The following VPS13B variants were observed in gnomAD, a reference collection of about 807,000 sequenced individuals.
The protein encoded by VPS13B is vacuolar protein sorting 13 homolog B, also known as intermembrane lipid transfer protein VPS13B.
In VPS13B, 285 loss-of-function variants were observed where a neutral mutation model predicts 426.4. The ratio of observed to expected loss-of-function variants is 0.67; its 90% CI spans 0.61 to 0.74. VPS13B has a LOEUF of 0.74. VPS13B is among the 30% of genes least tolerant of loss of function. The pLI, the probability that VPS13B is intolerant of heterozygous loss-of-function variation, is 0.00. For missense variants in VPS13B, 4,537 were observed against 4,782.6 expected, an observed-to-expected ratio of 0.95 and a Z score of 1.51; for synonymous variants, 1,676 against 1,676.4, an observed-to-expected ratio of 1.00 and a Z score of 0.01.
intron 17 of VPS13B, among the ~76,000 whole-genome samples, chr8:99,198,498 G>A (rs1814082053): frequency 6.6e-6 from 1 of 151,852 alleles, no homozygotes; most frequent in African/African-American, 2.4e-5. Flanking sequence ...TTTATAAAAT[G>A]GACTGTGCTA....
rs181239664 is a variant in VPS13B at position 99,588,715 on chromosome 8, T to A, written c.5220+11082T>A. On this transcript the variant is annotated intron_variant, in intron 33 of 61. Transcript: ENST00000357162. The stretch of plus-strand genomic sequence containing the variant: ...TTATCAGCTTAAGGAGATTTTGGGC[T>A]GAGACGATGGGGTTTTCTAAATATA... 3.2e-3 allele frequency among the ~76,000 whole-genome samples: 485 copies of A among 151,886 alleles called. 15 individuals carry two copies. Among genetic ancestry groups the A allele is most frequent in the African/African-American group, 0.011 (439 of 41,168 alleles).
At chr8:99,527,508 T>C (rs1173804313) in intron 30 of VPS13B, among the ~76,000 whole-genome samples, 3 of 152,090 alleles carry the variant, frequency 2.0e-5, no homozygotes, top group Non-Finnish European at 4.4e-5. Flanking sequence ...TCTGTTTCCT[T>C]TAAACTCAAT....
chr8:99,128,690 A>G (rs1809581901), intron 8 of VPS13B, among the ~76,000 whole-genome samples: 4 of 152,212 alleles, frequency 2.6e-5, no homozygotes, highest in Admixed American at 2.6e-4. Flanking sequence ...AAATAGTGGT[A>G]TAGGTATTAT....
At chr8:99,341,283 ACTGTTTCCTT>A (rs1263165432) in intron 19 of VPS13B, 1 of 168,006 alleles carries the variant, frequency 6.0e-6, no homozygotes, top group Non-Finnish European at 1.3e-5. Flanking sequence ...AGTCTCATTA[ACTGTTTCCTT>A]CTGTTAATGT....
At chr8:99,267,673 G>A (rs1239974958) in intron 17 of VPS13B, among the ~76,000 whole-genome samples, 1 of 151,742 alleles carries the variant, frequency 6.6e-6, no homozygotes. Flanking sequence ...GTTGCAGTGA[G>A]CTGAGATCTT....
chr8:99,754,455 A>C (rs959230910), intron 39 of VPS13B, among the ~76,000 whole-genome samples: 2 of 152,198 alleles, frequency 1.3e-5, no homozygotes, highest in Non-Finnish European at 2.9e-5. Context: ...GCCCTAACAC[A>C]TTCATAAAGA....
At chr8:99,270,722 A>G (rs920039189) in intron 17 of VPS13B, among the ~76,000 whole-genome samples, 1 of 152,166 alleles carries the variant, frequency 6.6e-6, no homozygotes, top group Non-Finnish European at 1.5e-5. Flanking sequence ...GCTGACTACT[A>G]TATAGGTTTC....
intron 33 of VPS13B, among the ~76,000 whole-genome samples, chr8:99,585,242 A>G (rs1826247221): frequency 6.6e-6 from 1 of 152,200 alleles, no homozygotes; most frequent in Non-Finnish European, 1.5e-5. Context: ...TAAGAAGTGT[A>G]TATTTTATCA....
At chr8:99,818,632 A>G (rs139706997) in intron 46 of VPS13B, 81 bp from the exon 47 acceptor site, 2 of 1,603,214 alleles carry the variant, frequency 1.2e-6, no homozygotes. Context: ...GAGATTTATT[A>G]CAAGTTTGTT....
intron 39 of VPS13B, among the ~76,000 whole-genome samples, chr8:99,765,801 C>T (rs1563907105): frequency 6.6e-6 from 1 of 152,188 alleles, no homozygotes; most frequent in African/African-American, 2.4e-5. Flanking sequence ...CTGTCTTATT[C>T]CAGTTTACTT....
chr8:99,511,258 C>T lies in VPS13B; in HGVS notation c.4379C>T (p.Ser1460Phe), dbSNP rs763285164. The part of the protein sequence containing the change: ...HKLSEGLMDG[S>F]PHFLHEILLS... Reference sequence around the variant, plus strand: ...TTATCTGAAGGCCTAATGGATGGTTCTCCTCATTTTCTTCATGAAATTCTT... The same window carrying T: ...TTATCTGAAGGCCTAATGGATGGTTTTCCTCATTTTCTTCATGAAATTCTT... Residue 1460 changes from serine to phenylalanine, a missense_variant, in exon 29 of 62, where the codon TCT (serine) becomes TTT (phenylalanine). By Grantham distance (155) the Ser-to-Phe change is radical. This residue lies in a region of VPS13B where 4,311 missense variants were observed against 4,474.3 expected (regional missense o/e 0.96). Transcript: ENST00000357162. 4.3e-6 allele frequency: 7 copies of T among 1,613,958 alleles called. No homozygotes were observed. In the African/African-American group the frequency reaches 6.7e-5, roughly 15 times the overall value.
chr8:99,595,873 A>G (rs148723777), intron 33 of VPS13B, among the ~76,000 whole-genome samples: 1 of 152,118 alleles, frequency 6.6e-6, no homozygotes, highest in Non-Finnish European at 1.5e-5. Flanking sequence ...CATTTCCCCA[A>G]AGATGTTGTA....
At chr8:99,398,498 A>G (rs979559205) in intron 21 of VPS13B, among the ~76,000 whole-genome samples, 2 of 152,214 alleles carry the variant, frequency 1.3e-5, no homozygotes, top group African/African-American at 2.4e-5. Flanking sequence ...ATGGATGTGA[A>G]TTGAAGAAGG....
intron 19 of VPS13B, among the ~76,000 whole-genome samples, chr8:99,334,550 G>A (rs1810717252): frequency 6.6e-6 from 1 of 152,076 alleles, no homozygotes; most frequent in South Asian, 2.1e-4. Flanking sequence ...TTTATTGAGA[G>A]TTTTTAGCGT....
intron 19 of VPS13B, among the ~76,000 whole-genome samples, chr8:99,293,118 A>G (rs1819828907): frequency 6.6e-6 from 1 of 151,224 alleles, no homozygotes; most frequent in African/African-American, 2.4e-5. Context: ...AGCTGGAGGC[A>G]TCACACTACC....
intron 19 of VPS13B, among the ~76,000 whole-genome samples, chr8:99,375,875 GA>G (rs1337317111): frequency 6.6e-6 from 1 of 152,050 alleles, no homozygotes; most frequent in Non-Finnish European, 1.5e-5. Flanking sequence ...ATTGGTTTAA[GA>G]AAAAACACAG....
chr8:99,794,478 G>A lies in VPS13B; in HGVS notation c.7941+10002G>A, dbSNP rs145471578. On this transcript the variant is annotated intron_variant, in intron 43 of 61. Transcript: ENST00000357162. ...TATTAAATTCAATCAGATAAATGTT[G>A]GAAGTTTCTTAATTAGTACTCAGTA... is the stretch of plus-strand genomic sequence containing the variant. Among the ~76,000 whole-genome samples, 9 of 152,274 alleles carry A rather than the reference G, an allele frequency of 5.9e-5. No homozygotes were observed. The East Asian group carries it at 1.2e-3, about 20-fold the overall frequency.
At chr8:99,812,793 G>A (rs1003826912) in intron 44 of VPS13B, among the ~76,000 whole-genome samples, 8 of 151,992 alleles carry the variant, frequency 5.3e-5, no homozygotes, top group African/African-American at 9.7e-5. Flanking sequence ...TTAAGATATC[G>A]TTTTCCAGTG....
chr8:99,108,230 C>T (rs1302460558), intron 5 of VPS13B, among the ~76,000 whole-genome samples: 1 of 152,134 alleles, frequency 6.6e-6, no homozygotes, highest in Non-Finnish European at 1.5e-5. Flanking sequence ...CTTGTATTTT[C>T]TTTATCTACT....
Sources: gnomAD v4.1 joint callset for allele counts (sites outside exome capture counted in the v4.1 genomes callset) on GRCh38, gnomAD v4.1.1 for gene constraint, gnomAD v4.1.1 regional missense constraint, MANE v1.5 for transcripts, NCBI Gene and HGNC (gene_info 2026-07-23, HGNC 2026-07-21) for gene names.